Variants in LRRC30 observed in about 807,000 individuals in gnomAD.
LRRC30 encodes leucine rich repeat containing 30.
LRRC30 carries 10 observed loss-of-function variants against 14.8 expected under a neutral mutation model. The ratio of observed to expected loss-of-function variants is 0.68; its 90% CI spans 0.42 to 1.15. The LOEUF is 1.15. Among genes scored for constraint, LRRC30 ranks in the 50% most tolerant of loss-of-function variants. The pLI is 0.00. For missense variants in LRRC30, 403 were observed against 373.9 expected (o/e 1.08, Z -0.64); for synonymous variants, 202 against 175.7 (o/e 1.15, Z -1.18).
At position 7,232,034 on chromosome 18, in the gene LRRC30, A is replaced by T. The variant is rs1031706451; in HGVS notation, c.896A>T (p.Lys299Ile). The T allele has an allele frequency of 5.0e-6, 8 of 1,606,686 alleles. No individual in the cohort carries two copies. The highest frequency in any genetic ancestry group is 1.1e-5 in the South Asian group (1 of 89,868). Residue 299 changes from lysine to isoleucine, a missense_variant, in exon 1 of 1, where the codon AAA becomes ATA. Coordinates refer to ENST00000383467, the MANE Select transcript of LRRC30 (RefSeq NM_001105581.3). Reference sequence around the variant, plus strand: ...CTCTTCGGCTACCTGAAGGACAAAAAACACACCTGACCTGGGTCCCGGAGG... The same window carrying T: ...CTCTTCGGCTACCTGAAGGACAAAATACACACCTGACCTGGGTCCCGGAGG... ...EMLFGYLKDK[K>I]HT
At position 7,231,308 on chromosome 18, in the gene LRRC30, C is replaced by G. The variant is rs749552668; in HGVS notation, c.170C>G (p.Thr57Arg). 6.2e-7 allele frequency: 1 copy of G among 1,614,244 alleles called. No individual in the cohort carries two copies. Among genetic ancestry groups the G allele is most frequent in the South Asian group, 1.1e-5 (1 of 91,084 alleles). Residue 57 changes from threonine (T) to arginine (R), a missense_variant, in exon 1 of 1, where the codon ACG becomes AGG. Coordinates refer to ENST00000383467, the MANE Select transcript of LRRC30 (RefSeq NM_001105581.3). ...GMHHVSFSLV[T>R]RGMTDIPDFL... The stretch of plus-strand genomic sequence containing the variant: ...CACCACGTCAGCTTCAGCCTGGTCA[C>G]GAGAGGAATGACAGACATCCCCGAC...
Position 7,231,886 on chromosome 18 carries a change from G to A in LRRC30, c.748G>A (p.Glu250Lys), listed in dbSNP as rs759621671. The A allele has an allele frequency of 6.2e-7, 1 of 1,613,908 alleles. No homozygotes were observed. Among genetic ancestry groups the A allele is most frequent in the Non-Finnish European group, 8.5e-7 (1 of 1,180,022 alleles). ...CAATGACATCCAGACCCTCCCGAGC[G>A]AACTCCACCTGCTGTGTAGACTGGT... ...NNNDIQTLPS[E>K]LHLLCRLVRI... The change falls in exon 1 of 1, where the codon GAA (glutamate) becomes AAA (lysine). Residue 250 changes from glutamate (E) to lysine (K), a missense_variant. Transcript: ENST00000383467.
At position 7,231,829 on chromosome 18, in the gene LRRC30, G is replaced by T. The variant is rs565372671; in HGVS notation, c.691G>T (p.Val231Phe). The change falls in exon 1 of 1, where the codon GTC (valine) becomes TTC (phenylalanine). Residue 231 changes from valine to phenylalanine, a missense_variant. Val to Phe is a conservative substitution (Grantham distance 50). Coordinates refer to ENST00000383467, the MANE Select transcript of LRRC30 (RefSeq NM_001105581.3). ...CTCCTTCCCGAGGTCGCTTTGCCTG[G>T]TCACCAGCCTGGAGCTGCTGAACCT... ...IHSFPRSLCL[V>F]TSLELLNLNN... 10 of 1,613,972 alleles carry T rather than the reference G, an allele frequency of 6.2e-6. No homozygotes were observed. The highest frequency in any genetic ancestry group is 5.0e-5 in the Admixed American group (3 of 59,994).
rs1343220540 is a variant in LRRC30 at position 7,231,459 on chromosome 18, G to A, written c.321G>A (p.Lys107=). 9.3e-6 allele frequency: 15 copies of A among 1,613,982 alleles called. No homozygotes were observed. Among genetic ancestry groups the A allele is most frequent in the Non-Finnish European group, 1.3e-5 (15 of 1,180,038 alleles). The change falls in exon 1 of 1, where the codon AAG becomes AAA. Residue 107 remains lysine (K), a synonymous_variant. Transcript: ENST00000383467. ...VVLNLCGNRL[K]SLPREVSLLQ... ...TGAACTTGTGCGGGAACCGCCTGAA[G>A]AGCCTGCCCAGAGAAGTGAGCCTCC...
rs1459280722 is a variant in LRRC30, at chr18:7,232,001, T to TG, written c.865dup (p.Glu289GlyfsTer?). 6.2e-7 allele frequency: 1 copy of TG among 1,613,434 alleles called. No homozygotes were observed. The highest frequency in any genetic ancestry group is 8.5e-7 in the Non-Finnish European group (1 of 1,179,690). On this transcript the variant is annotated frameshift_variant, in exon 1 of 1. Transcript: ENST00000383467. LOFTEE classifies it high-confidence loss of function. Reference sequence around the variant, plus strand: ...CTGCCGGAGCTGGTGGAGGGGGGCCTGGAGATGCTCTTCGGCTACCTGAAG... The same window carrying TG: ...CTGCCGGAGCTGGTGGAGGGGGGCCTGGGAGATGCTCTTCGGCTACCTGAAG...
chr18:7,231,263 C>G lies in LRRC30; in HGVS notation c.125C>G (p.Ser42Cys), dbSNP rs772663928. 1 of 1,614,206 alleles carries G rather than the reference C, an allele frequency of 6.2e-7. No homozygotes were observed. The highest frequency in any genetic ancestry group is 1.7e-5 in the Admixed American group (1 of 60,032). Residue 42 changes from serine (S) to cysteine (C), a missense_variant, in exon 1 of 1, where the codon TCC becomes TGC. Transcript: ENST00000383467. ...CTGCTCTCGGGAAGGGACCCGCGGT[C>G]CCTGCTGAAGCGGGGCATGCACCAC... ...DALLSGRDPRSLLKRGMHHVS... is the reference protein window; with the variant it reads ...DALLSGRDPRCLLKRGMHHVS...
rs747900709 is a variant in LRRC30 at position 7,231,791 on chromosome 18, G to A, written c.653G>A (p.Gly218Asp). The A allele has an allele frequency of 6.2e-7, 1 of 1,614,102 alleles. No individual in the cohort carries two copies. Among genetic ancestry groups the A allele is most frequent in the Non-Finnish European group, 8.5e-7 (1 of 1,180,022 alleles). Residue 218 changes from glycine to aspartate, a missense_variant, in exon 1 of 1, where the codon GGC becomes GAC. Physicochemically the swap from Gly to Asp is moderately conservative, Grantham distance 94. Coordinates refer to ENST00000383467, the MANE Select transcript of LRRC30 (RefSeq NM_001105581.3). ...AGCCTGCAGATCTTCATCGCAGAGG[G>A]CAACAACATCCACTCCTTCCCGAGG... ...LASLQIFIAE[G>D]NNIHSFPRSL...
rs749552668 is a variant in LRRC30, at chr18:7,231,308, C to T, written c.170C>T (p.Thr57Met). ...CACCACGTCAGCTTCAGCCTGGTCACGAGAGGAATGACAGACATCCCCGAC... is the reference window on the plus strand; with the variant it reads ...CACCACGTCAGCTTCAGCCTGGTCATGAGAGGAATGACAGACATCCCCGAC... The part of the protein sequence containing the change: ...GMHHVSFSLV[T>M]RGMTDIPDFL... The change falls in exon 1 of 1, where the codon ACG (threonine) becomes ATG (methionine). Residue 57 changes from threonine (T) to methionine (M), a missense_variant. Physicochemically the swap from Thr to Met is moderately conservative, Grantham distance 81. Coordinates refer to ENST00000383467, the MANE Select transcript of LRRC30 (RefSeq NM_001105581.3). The T allele has an allele frequency of 5.6e-6, 9 of 1,614,126 alleles. No homozygotes were observed. In the East Asian group the frequency reaches 2.0e-4, roughly 36 times the overall value.
At position 7,232,025 on chromosome 18, in the gene LRRC30, AGG is replaced by A. The variant is rs1402150859; in HGVS notation, c.888_889del (p.Asp297GlnfsTer?). 1.2e-6 allele frequency: 2 copies of A among 1,610,298 alleles called. No homozygotes were observed. Among genetic ancestry groups the A allele is most frequent in the Admixed American group, 3.3e-5 (2 of 59,768 alleles). ...CTGGAGATGCTCTTCGGCTACCTGA[AGG>A]ACAAAAAACACACCTGACCTGGGTC... On this transcript the variant is annotated frameshift_variant, in exon 1 of 1. Coordinates refer to ENST00000383467, the MANE Select transcript of LRRC30 (RefSeq NM_001105581.3). LOFTEE classifies it high-confidence loss of function.
rs751718655 is a variant in LRRC30, at chr18:7,231,464, T to C, written c.326T>C (p.Leu109Pro). 2.0e-5 allele frequency: 32 copies of C among 1,613,972 alleles called. No homozygotes were observed. The South Asian group carries it at 2.3e-4, about 12-fold the overall frequency. ...TTGTGCGGGAACCGCCTGAAGAGCC[T>C]GCCCAGAGAAGTGAGCCTCCTACAG... is the stretch of plus-strand genomic sequence containing the variant. ...LNLCGNRLKS[L>P]PREVSLLQCL... Residue 109 changes from leucine (L) to proline (P), a missense_variant, in exon 1 of 1, where the codon CTG becomes CCG. Physicochemically the swap from Leu to Pro is moderately conservative, Grantham distance 98. Coordinates refer to ENST00000383467, the MANE Select transcript of LRRC30 (RefSeq NM_001105581.3).
chr18:7,231,540 C>A lies in LRRC30; in HGVS notation c.402C>A (p.Ala134=), dbSNP rs762794551. 2 of 1,613,368 alleles carry A rather than the reference C, an allele frequency of 1.2e-6. No individual in the cohort carries two copies. Among genetic ancestry groups the A allele is most frequent in the Non-Finnish European group, 1.7e-6 (2 of 1,180,032 alleles). The stretch of plus-strand genomic sequence containing the variant: ...TGAACTGCCTGACAGAGGTGCCGGC[C>A]GAGCTGAGCTTGTGCCGAAAGCTGG... ...VNMNCLTEVP[A]ELSLCRKLEV... is the part of the protein sequence containing the mutation. The change falls in exon 1 of 1, where the codon GCC becomes GCA. Residue 134 remains alanine, a synonymous_variant. Coordinates refer to ENST00000383467, the MANE Select transcript of LRRC30 (RefSeq NM_001105581.3).
At position 7,231,782 on chromosome 18, in the gene LRRC30, T is replaced by C; in HGVS notation, c.644T>C (p.Ile215Thr). The change falls in exon 1 of 1, where the codon ATC (isoleucine) becomes ACC (threonine). Residue 215 changes from isoleucine (I) to threonine (T), a missense_variant. By Grantham distance (89) the Ile-to-Thr change is moderately conservative. Transcript: ENST00000383467. ...CACCTGGCCAGCCTGCAGATCTTCA[T>C]CGCAGAGGGCAACAACATCCACTCC... ...IQHLASLQIF[I>T]AEGNNIHSFP... The C allele has an allele frequency of 1.2e-6, 2 of 1,614,120 alleles. No individual in the cohort carries two copies. Among genetic ancestry groups the C allele is most frequent in the South Asian group, 2.2e-5 (2 of 91,078 alleles).
At position 7,231,750 on chromosome 18, in the gene LRRC30, C is replaced by T. The variant is rs1177199781; in HGVS notation, c.612C>T (p.Ser204=). The T allele has an allele frequency of 6.2e-7, 1 of 1,614,028 alleles. No homozygotes were observed. Among genetic ancestry groups the T allele is most frequent in the Non-Finnish European group, 8.5e-7 (1 of 1,180,042 alleles). Residue 204 remains serine (S), a synonymous_variant, in exon 1 of 1, where the codon AGC becomes AGT. Coordinates refer to ENST00000383467, the MANE Select transcript of LRRC30 (RefSeq NM_001105581.3). ...GSNRLENIAE[S]IQHLASLQIF... ...ATCGCCTGGAAAACATCGCTGAGAG[C>T]ATCCAGCACCTGGCCAGCCTGCAGA...
chr18:7,231,867 C>T lies in LRRC30; in HGVS notation c.729C>T (p.Asp243=), dbSNP rs72904163. 1,020 of 1,614,160 alleles carry T rather than the reference C, an allele frequency of 6.3e-4. No homozygotes were observed. The highest frequency in any genetic ancestry group is 7.9e-4 in the Non-Finnish European group (932 of 1,180,042). The change falls in exon 1 of 1, where the codon GAC becomes GAT. Residue 243 remains aspartate (D), a synonymous_variant. Transcript: ENST00000383467. ...SLELLNLNNN[D]IQTLPSELHL... ...AGCTGCTGAACCTCAACAACAATGA[C>T]ATCCAGACCCTCCCGAGCGAACTCC...
chr18:7,231,709 T>C lies in LRRC30; in HGVS notation c.571T>C (p.Leu191=). 1 of 1,614,162 alleles carries C rather than the reference T, an allele frequency of 6.2e-7. No individual in the cohort carries two copies. The highest frequency in any genetic ancestry group is 8.5e-7 in the Non-Finnish European group (1 of 1,180,044). ...CVFSLKELIF[L]HVGSNRLENI... ...GTTCTCCCTGAAGGAACTGATTTTC[T>C]TGCACGTGGGCTCGAATCGCCTGGA... The change falls in exon 1 of 1, where the codon TTG becomes CTG. Residue 191 remains leucine (L), a synonymous_variant. Transcript: ENST00000383467.
Position 7,231,492 on chromosome 18 carries a change from C to T in LRRC30, c.354C>T (p.Cys118=). Residue 118 remains cysteine, a synonymous_variant, in exon 1 of 1, where the codon TGC becomes TGT. Transcript: ENST00000383467. ...CCAGAGAAGTGAGCCTCCTACAGTG[C>T]CTCAAGGTCCTGTTTGTCAACATGA... ...SLPREVSLLQ[C]LKVLFVNMNC... is the part of the protein sequence containing the mutation. The T allele has an allele frequency of 6.2e-7, 1 of 1,613,708 alleles. No homozygotes were observed. The highest frequency in any genetic ancestry group is 8.5e-7 in the Non-Finnish European group (1 of 1,180,032).
chr18:7,231,267 G>A lies in LRRC30; in HGVS notation c.129G>A (p.Leu43=), dbSNP rs377707898. 1 of 1,614,218 alleles carries A rather than the reference G, an allele frequency of 6.2e-7. No homozygotes were observed. ...TCTCGGGAAGGGACCCGCGGTCCCT[G>A]CTGAAGCGGGGCATGCACCACGTCA... ...ALLSGRDPRS[L]LKRGMHHVSF... The change falls in exon 1 of 1, where the codon CTG becomes CTA. Residue 43 remains leucine (L), a synonymous_variant. Coordinates refer to ENST00000383467, the MANE Select transcript of LRRC30 (RefSeq NM_001105581.3).
In LRRC30 at chr18:7,231,118, G is replaced by A; in HGVS notation, c.-21G>A. 1 of 1,550,936 alleles carries A rather than the reference G, an allele frequency of 6.4e-7. No individual in the cohort carries two copies. The highest frequency in any genetic ancestry group is 8.7e-7 in the Non-Finnish European group (1 of 1,146,612). ...CCTGCCTGGGAGGTGGCAGAGGAGAGTGACTAGAAGGGAAGGTACAATGGG... is the reference window on the plus strand; with the variant it reads ...CCTGCCTGGGAGGTGGCAGAGGAGAATGACTAGAAGGGAAGGTACAATGGG... On this transcript the variant is annotated 5_prime_UTR_variant, in exon 1 of 1. The change creates a new upstream start codon in the 5' untranslated region. Coordinates refer to ENST00000383467, the MANE Select transcript of LRRC30 (RefSeq NM_001105581.3).
Position 7,231,329 on chromosome 18 carries a change from C to T in LRRC30, c.191C>T (p.Pro64Leu), listed in dbSNP as rs748262165. 3.7e-6 allele frequency: 6 copies of T among 1,614,222 alleles called. No homozygotes were observed. The highest frequency in any genetic ancestry group is 3.3e-5 in the Admixed American group (2 of 60,028). ...GTCACGAGAGGAATGACAGACATCC[C>T]CGACTTTCTGTGGGGCTTGTCCGAG... ...SLVTRGMTDI[P>L]DFLWGLSEVQ... Residue 64 changes from proline (P) to leucine (L), a missense_variant, in exon 1 of 1, where the codon CCC (proline) becomes CTC (leucine). Coordinates refer to ENST00000383467, the MANE Select transcript of LRRC30 (RefSeq NM_001105581.3).
Sources: gnomAD v4.1 joint callset for allele counts on GRCh38, gnomAD v4.1.1 for gene constraint, MANE v1.5 for transcripts, NCBI Gene and HGNC (gene_info 2026-07-23, HGNC 2026-07-21) for gene names.